The following SLC44A2 variants were observed in gnomAD, a reference collection of about 807,000 sequenced individuals.
SLC44A2 encodes solute carrier family 44 member 2 (CTL2 blood group), also known as choline transporter-like protein 2.
In SLC44A2, 57 loss-of-function variants were observed where a neutral mutation model predicts 90.8. That is an observed-to-expected ratio of 0.63 (90% CI 0.51 to 0.78). The LOEUF (loss-of-function observed/expected upper bound fraction) is 0.78. Among genes scored for constraint, SLC44A2 ranks in the 30% least tolerant of loss-of-function variants. SLC44A2 has a pLI of 0.00. For synonymous variants in SLC44A2, 355 were observed against 360.7 expected (o/e 0.98, Z 0.18); for missense variants, 794 against 919.7 (o/e 0.86, Z 1.77).
rs756502072 is a variant in SLC44A2, at chr19:10,632,086, C to A, written c.753C>A (p.Ile251=). Residue 251 remains isoleucine, a synonymous_variant, in exon 10 of 22, where the codon ATC becomes ATA. Coordinates refer to ENST00000335757, the MANE Select transcript of SLC44A2 (RefSeq NM_020428.4). Reference sequence around the variant, plus strand: ...TGGCGATGAGCCTCCTGTTCATCATCCTGCTTCGCTTCCTGGCTGGTATTA... The same window carrying A: ...TGGCGATGAGCCTCCTGTTCATCATACTGCTTCGCTTCCTGGCTGGTATTA... ...IAMAMSLLFI[I]LLRFLAGIMV... is the part of the protein sequence containing the mutation. The A allele has an allele frequency of 1.9e-6, 3 of 1,614,044 alleles. No homozygotes were observed. Among genetic ancestry groups the A allele is most frequent in the Admixed American group, 1.7e-5 (1 of 59,978 alleles).
chr19:10,604,370 C>T (rs1480318268), intron 1 of SLC44A2, among the ~76,000 whole-genome samples: 2 of 152,146 alleles, frequency 1.3e-5, no homozygotes, highest in African/African-American at 4.8e-5. Context: ...TGCCTTGGGG[C>T]CAAAGGGGGC....
At chr19:10,624,125 G>A (rs918528457), upstream of SLC44A2, among the ~76,000 whole-genome samples, 3 of 151,948 alleles carry the variant, frequency 2.0e-5, no homozygotes, top group African/African-American at 7.3e-5. Context: ...AGCCTCCCAA[G>A]TAGCTGGGAC....
chr19:10,635,631 G>C, intron 14 of SLC44A2, 116 bp downstream of exon 14: 1 of 906,732 alleles, frequency 1.1e-6, no homozygotes, highest in Admixed American at 2.4e-5. Flanking sequence ...TGCATGTCCT[G>C]TGCTAGGTGT....
At chr19:10,642,905 C>T (rs752480687) in intron 21 of SLC44A2, 2 of 1,591,416 alleles carry the variant, frequency 1.3e-6, no homozygotes, top group South Asian at 2.2e-5. Flanking sequence ...AGGTGAGGAC[C>T]TGGAAAGGAA....
chr19:10,635,640 G>A (rs2067046220), intron 14 of SLC44A2, 125 bp downstream of exon 14: 1 of 839,526 alleles, frequency 1.2e-6, no homozygotes. Flanking sequence ...TGTGCTAGGT[G>A]TGGGGGAGGA....
chr19:10,636,490 G>A lies in SLC44A2; in HGVS notation c.1401G>A (p.Thr467=). 6.2e-7 allele frequency: 1 copy of A among 1,612,932 alleles called. No homozygotes were observed. Residue 467 remains threonine, a synonymous_variant, in exon 15 of 22, where the codon ACG becomes ACA. Coordinates refer to ENST00000335757, the MANE Select transcript of SLC44A2 (RefSeq NM_020428.4). Reference sequence around the variant, plus strand: ...TCGTGCTGGCGCTGGGCCAGGTCACGCTGGCCGGGGCCTTTGCCTCCTACT... The same window carrying A: ...TCGTGCTGGCGCTGGGCCAGGTCACACTGGCCGGGGCCTTTGCCTCCTACT... ...ANFVLALGQV[T]LAGAFASYYW...
At chr19:10,641,377 C>T (rs2067114113) in intron 20 of SLC44A2, 1 of 444,062 alleles carries the variant, frequency 2.3e-6, no homozygotes, top group Non-Finnish European at 4.5e-6. Context: ...CTGAGCAACA[C>T]AGTGAGACCC....
intron 4 of SLC44A2, among the ~76,000 whole-genome samples, chr19:10,628,530 C>T (rs557312618): frequency 3.2e-4 from 48 of 152,162 alleles, no homozygotes; most frequent in Non-Finnish European, 5.7e-4. Context: ...CCAGCCTGGA[C>T]GACAGAGCGA....
At chr19:10,621,848 C>T (rs1034945639), upstream of SLC44A2, among the ~76,000 whole-genome samples, 3 of 152,312 alleles carry the variant, frequency 2.0e-5, no homozygotes, top group Admixed American at 1.3e-4. Context: ...AACTCCCGAC[C>T]TCAGGTGATC....
chr19:10,632,256 G>T, intron 10 of SLC44A2, 100 bp downstream of exon 10: 2 of 1,107,912 alleles, frequency 1.8e-6, no homozygotes, highest in Non-Finnish European at 2.7e-6. Flanking sequence ...AAAAAGTCAG[G>T]CCGGGCGTGG....
At chr19:10,611,686 G>C (rs1365672823) in intron 1 of SLC44A2, among the ~76,000 whole-genome samples, 2 of 152,072 alleles carry the variant, frequency 1.3e-5, no homozygotes, top group Non-Finnish European at 2.9e-5. Flanking sequence ...GCTGGTCATG[G>C]TGGCTTATGC....
intron 1 of SLC44A2, among the ~76,000 whole-genome samples, chr19:10,606,679 C>T (rs1045276928): frequency 4.0e-5 from 6 of 150,956 alleles, no homozygotes; most frequent in Non-Finnish European, 8.9e-5. Flanking sequence ...GGAATAGTGA[C>T]GTGCACCTGT....
chr19:10,640,913 C>A (rs2067108314), intron 20 of SLC44A2: 2 of 227,132 alleles, frequency 8.8e-6, no homozygotes, highest in East Asian at 3.0e-4. Context: ...GGTGAAACCC[C>A]ATCTCTACTA....
intron 21 of SLC44A2, chr19:10,643,048 G>A (rs961456916): frequency 4.0e-6 from 6 of 1,495,208 alleles, no homozygotes; most frequent in Non-Finnish European, 5.3e-6. Flanking sequence ...TGGGGGCCAG[G>A]TTTCCTCCAT....
At chr19:10,636,887 G>T (rs2067062665) in intron 16 of SLC44A2, 131 bp downstream of exon 16, 2 of 971,706 alleles carry the variant, frequency 2.1e-6, no homozygotes, top group Non-Finnish European at 3.0e-6. Context: ...GTCTATGACG[G>T]GGTGGAGTTC....
In SLC44A2 at chr19:10,635,252, C is replaced by T; in HGVS notation, c.1145C>T (p.Ala382Val). ...TGCATCGCCTACTGGGCCAGCACTG[C>T]TGTGTATCTGCCCCCAGACACTGAT... is the stretch of plus-strand genomic sequence containing the variant. The part of the protein sequence containing the change: ...CLCIAYWAST[A>V]VFLSTSNEAV... The change falls in exon 13 of 22, where the codon GCT becomes GTT. Residue 382 changes from alanine to valine, a missense_variant. Ala to Val is a moderately conservative substitution (Grantham distance 64, BLOSUM62 0). Around this residue, in one of 3 missense-constraint regions of SLC44A2, gnomAD observed 738 missense variants for 841.1 expected, o/e 0.88. Transcript: ENST00000335757. 6.2e-7 allele frequency: 1 copy of T among 1,614,002 alleles called. No homozygotes were observed. Among genetic ancestry groups the T allele is most frequent in the South Asian group, 1.1e-5 (1 of 91,084 alleles).
intron 1 of SLC44A2, among the ~76,000 whole-genome samples, chr19:10,617,448 C>A (rs959751161): frequency 2.7e-5 from 4 of 150,736 alleles, no homozygotes; most frequent in Non-Finnish European, 5.9e-5. Context: ...CAAGTGTATG[C>A]CAGGCACCTC....
chr19:10,630,976 T>G lies in SLC44A2; in HGVS notation c.246-81T>G, dbSNP rs375610577. On this transcript the variant is annotated intron_variant, in intron 4 of 21. Coordinates refer to ENST00000335757, the MANE Select transcript of SLC44A2 (RefSeq NM_020428.4). ...GCCGAGATCACACCATTGCACTCCA[T>G]CCTGGGCAACAAGAGCGAGACTCTG... 61 of 1,126,984 alleles carry G rather than the reference T, an allele frequency of 5.4e-5. No homozygotes were observed. The African/African-American group carries it at 8.1e-4, about 15-fold the overall frequency. 69.8% of individuals were successfully genotyped at this position (1,126,984 alleles called of 1,614,324 possible). A position where few individuals can be genotyped will look rare whatever the true frequency, so the allele number is the denominator to read the frequency against.
intron 1 of SLC44A2, among the ~76,000 whole-genome samples, chr19:10,602,750 C>T (rs1474554528): frequency 2.0e-5 from 3 of 152,222 alleles, no homozygotes; most frequent in Non-Finnish European, 4.4e-5. Flanking sequence ...GCGTCCCCTC[C>T]CCGGGAGCCC....
Sources: gnomAD v4.1 joint callset for allele counts (sites outside exome capture counted in the v4.1 genomes callset) on GRCh38, gnomAD v4.1.1 for gene constraint, gnomAD v4.1.1 regional missense constraint, MANE v1.5 for transcripts, NCBI Gene and HGNC (gene_info 2026-07-23, HGNC 2026-07-21) for gene names.